The following CNTNAP2 variants were observed in gnomAD, a reference collection of about 807,000 sequenced individuals.
CNTNAP2 encodes the protein contactin-associated protein-like 2.
In CNTNAP2, 98 loss-of-function variants were observed where a neutral mutation model predicts 155.2. That is an observed-to-expected ratio of 0.63 (90% CI 0.54 to 0.75). The LOEUF is 0.75. Among genes scored for constraint, CNTNAP2 ranks in the 30% least tolerant of loss-of-function variants. The probability of loss-of-function intolerance (pLI) is 0.00; values close to 1 mark genes in which losing one functional copy is unlikely to be tolerated. For missense variants in CNTNAP2, 1,727 were observed against 1,688.1 expected, an observed-to-expected ratio of 1.02 and a Z score of -0.40; for synonymous variants, 651 against 631.2, an observed-to-expected ratio of 1.03 and a Z score of -0.47.
intron 3 of CNTNAP2, among the ~76,000 whole-genome samples, chr7:146,983,141 C>A (rs1298077544): frequency 6.6e-6 from 1 of 152,158 alleles, no homozygotes; most frequent in African/African-American, 2.4e-5. Context: ...TGCCAACCTT[C>A]TAGACTGCAA....
intron 1 of CNTNAP2, among the ~76,000 whole-genome samples, chr7:146,146,837 T>C (rs1185889835): frequency 1.3e-5 from 2 of 152,206 alleles, no homozygotes; most frequent in Admixed American, 1.3e-4. Context: ...TTATATGCAC[T>C]GTAGAGTTCT....
At chr7:148,326,638 G>A (rs1354554874) in intron 21 of CNTNAP2, among the ~76,000 whole-genome samples, 17 of 151,996 alleles carry the variant, frequency 1.1e-4, no homozygotes, top group Middle Eastern at 3.4e-3. Flanking sequence ...AGGCCAAGGC[G>A]GGCGGATCAT....
At chr7:147,218,349 T>C (rs1415011364) in intron 8 of CNTNAP2, among the ~76,000 whole-genome samples, 2 of 151,908 alleles carry the variant, frequency 1.3e-5, no homozygotes, top group Non-Finnish European at 2.9e-5. Flanking sequence ...TATTTTTATT[T>C]ACTTAAAAAT....
chr7:146,727,547 C>T (rs1210190942), intron 1 of CNTNAP2, among the ~76,000 whole-genome samples: 1 of 152,170 alleles, frequency 6.6e-6, no homozygotes, highest in African/African-American at 2.4e-5. Flanking sequence ...CCCACACACA[C>T]TAAAACCAAA....
chr7:147,825,924 T>C lies in CNTNAP2; in HGVS notation c.2099-77641T>C, dbSNP rs17825212. Among the ~76,000 whole-genome samples, 1,483 of 152,314 alleles carry C rather than the reference T, an allele frequency of 9.7e-3. 11 individuals carry two copies. The highest frequency in any genetic ancestry group is 0.016 in the Non-Finnish European group (1,085 of 68,026). On this transcript the variant is annotated intron_variant, in intron 13 of 23. Coordinates refer to ENST00000361727, the MANE Select transcript of CNTNAP2 (RefSeq NM_014141.6). ...AATATAAGAAAAAGGGCAAAGTTTT[T>C]GCACGAAACCTTAAGGTGACCATTC...
At chr7:146,733,814 C>T (rs1454877878) in intron 1 of CNTNAP2, among the ~76,000 whole-genome samples, 1 of 152,042 alleles carries the variant, frequency 6.6e-6, no homozygotes, top group African/African-American at 2.4e-5. Context: ...TAAATGAAGT[C>T]ACAGAGAAGA....
chr7:147,377,912 T>C (rs1201991112), intron 9 of CNTNAP2: 10 of 415,646 alleles, frequency 2.4e-5, no homozygotes, highest in Non-Finnish European at 4.3e-5. Flanking sequence ...AAATGTTTAA[T>C]TGGGATGTAT....
intron 4 of CNTNAP2, among the ~76,000 whole-genome samples, chr7:147,093,645 A>G (rs1037360973): frequency 2.0e-5 from 3 of 152,122 alleles, no homozygotes; most frequent in African/African-American, 7.2e-5. Context: ...AATTCACACA[A>G]TTCTCACACA....
chr7:147,814,465 A>G (rs1398178274), intron 13 of CNTNAP2, among the ~76,000 whole-genome samples: 1 of 152,150 alleles, frequency 6.6e-6, no homozygotes, highest in Non-Finnish European at 1.5e-5. Context: ...TCCACAGAAG[A>G]TGAAATTAGC....
intron 21 of CNTNAP2, among the ~76,000 whole-genome samples, chr7:148,317,301 G>T (rs1421065913): frequency 2.6e-5 from 4 of 152,114 alleles, no homozygotes; most frequent in Admixed American, 1.3e-4. Context: ...TTTGCAATGG[G>T]CTGAGATCAT....
At chr7:147,739,117 T>TG (rs60702049) in intron 13 of CNTNAP2, among the ~76,000 whole-genome samples, 149,888 of 150,720 alleles carry the variant, frequency 0.99, 74,533 homozygotes, top group Middle Eastern at 1. Context: ...ATTAATCTCC[T>TG]GCAAGTCATT....
chr7:146,978,203 C>T (rs1797949838), intron 3 of CNTNAP2, among the ~76,000 whole-genome samples: 2 of 152,220 alleles, frequency 1.3e-5, no homozygotes, highest in South Asian at 4.1e-4. Flanking sequence ...TTTAAAAATT[C>T]AACTACCTTT....
chr7:147,587,295 GACTGGTGACAATTTC>G (rs1229648861), intron 12 of CNTNAP2, among the ~76,000 whole-genome samples: 2 of 152,168 alleles, frequency 1.3e-5, no homozygotes, highest in Non-Finnish European at 2.9e-5. Context: ...GAGCTCATAA[GACTGGTGACAATTTC>G]ACTTATTTAT....
chr7:147,740,595 T>A (rs886707568), intron 13 of CNTNAP2, among the ~76,000 whole-genome samples: 1 of 152,226 alleles, frequency 6.6e-6, no homozygotes, highest in African/African-American at 2.4e-5. Context: ...AGGTAGGGTT[T>A]ATGAATAGGA....
chr7:148,279,498 G>A (rs963424393), intron 21 of CNTNAP2, among the ~76,000 whole-genome samples: 1 of 152,208 alleles, frequency 6.6e-6, no homozygotes, highest in Non-Finnish European at 1.5e-5. Flanking sequence ...GGTACCCTGG[G>A]AGAGAAGTAG....
chr7:146,340,942 G>GT (rs1801372330), intron 1 of CNTNAP2, among the ~76,000 whole-genome samples: 1 of 152,102 alleles, frequency 6.6e-6, no homozygotes, highest in African/African-American at 2.4e-5. Context: ...AGTCTGTCTA[G>GT]TTGTAGTGAC....
chr7:146,666,795 G>C (rs1246655415), intron 1 of CNTNAP2, among the ~76,000 whole-genome samples: 1 of 152,064 alleles, frequency 6.6e-6, no homozygotes, highest in Non-Finnish European at 1.5e-5. Context: ...GTCTTCTTTT[G>C]AGAAACATCA....
intron 22 of CNTNAP2, among the ~76,000 whole-genome samples, chr7:148,392,068 C>T (rs558289777): frequency 6.6e-6 from 1 of 152,068 alleles, no homozygotes; most frequent in Non-Finnish European, 1.5e-5. Context: ...AAGATTGCAG[C>T]TAGTTGTTGT....
Position 147,117,484 on chromosome 7 carries a change from C to T in CNTNAP2, c.755-3495C>T, listed in dbSNP as rs866596979. Among the ~76,000 whole-genome samples the T allele has an allele frequency of 3.1e-4, 47 of 151,992 alleles. 1 individual carries two copies. Among genetic ancestry groups the T allele is most frequent in the African/African-American group, 1.0e-3 (43 of 41,378 alleles). On this transcript the variant is annotated intron_variant, in intron 5 of 23. Coordinates refer to ENST00000361727, the MANE Select transcript of CNTNAP2 (RefSeq NM_014141.6). ...CTTGTGTGAAGTTGTTTCCCTAATC[C>T]GTCTCCATGTGAGAACCTGAATATT...
Sources: allele counts gnomAD v4.1 joint callset (sites outside exome capture counted in the v4.1 genomes callset), GRCh38; gene constraint gnomAD v4.1.1; transcripts MANE v1.5; gene names NCBI Gene and HGNC (gene_info 2026-07-23, HGNC 2026-07-21).